UPF2: variants seen among roughly 807,000 people sequenced by gnomAD.
The protein encoded by UPF2 is regulator of nonsense transcripts 2.
In UPF2, 17 loss-of-function variants were observed where a neutral mutation model predicts 141.4. That is an observed-to-expected ratio of 0.12 (90% CI 0.08 to 0.18). The LOEUF (loss-of-function observed/expected upper bound fraction) is 0.18, where lower values mean the gene tolerates loss of function less well. UPF2 is among the 10% of genes least tolerant of loss of function. The pLI is 1.00. For synonymous variants in UPF2, 540 were observed against 498.0 expected (o/e 1.08, Z -1.12); for missense variants, 1,152 against 1,515.9 (o/e 0.76, Z 3.99).
At chr10:11,996,372 G>A (rs572412661) in intron 8 of UPF2, among the ~76,000 whole-genome samples, 122 of 148,070 alleles carry the variant, frequency 8.2e-4, no homozygotes, top group Non-Finnish European at 1.4e-3. Context: ...TTTTGAGATG[G>A]AATCTCGCTC....
intron 18 of UPF2, among the ~76,000 whole-genome samples, chr10:11,942,349 G>C (rs1832947111): frequency 6.6e-6 from 1 of 152,074 alleles, no homozygotes; most frequent in African/African-American, 2.4e-5. Flanking sequence ...CTCCAGCCTG[G>C]GCAACAGAGT....
chr10:12,009,725 C>G lies in UPF2; in HGVS notation c.1306+4299G>C, dbSNP rs76249528. Among the ~76,000 whole-genome samples, 18 of 152,284 alleles carry G rather than the reference C, an allele frequency of 1.2e-4. No individual in the cohort carries two copies. The East Asian group carries it at 3.3e-3, about 28-fold the overall frequency. ...TGAGTTGAGGATGAGAGCTGAGGGT[C>G]TGGTAATACTCTACCCAAGGTAGGC... On this transcript the variant is annotated intron_variant, in intron 4 of 21. Coordinates refer to ENST00000357604, the MANE Select transcript of UPF2 (RefSeq NM_015542.4).
In UPF2 at chr10:11,940,830, G is replaced by T. The variant is rs971499650; in HGVS notation, c.3378+1835C>A. Among the ~76,000 whole-genome samples, 18 of 152,068 alleles carry T rather than the reference G, an allele frequency of 1.2e-4. No individual in the cohort carries two copies. The highest frequency in any genetic ancestry group is 3.4e-4 in the African/African-American group (14 of 41,390). On this transcript the variant is annotated intron_variant, in intron 18 of 21. Transcript: ENST00000357604. The surrounding 1 kb of genome is among the most constrained non-coding windows in gnomAD (Gnocchi z 4.2). ...CCTCTGCCCTCCCACACAGGATTGTGCCCCGCCCTCTATTAGTGCTGGCCG... is the reference window on the plus strand; with the variant it reads ...CCTCTGCCCTCCCACACAGGATTGTTCCCCGCCCTCTATTAGTGCTGGCCG...
intron 14 of UPF2, among the ~76,000 whole-genome samples, chr10:11,954,150 G>A (rs769722981): frequency 6.6e-6 from 1 of 152,130 alleles, no homozygotes. Flanking sequence ...TATAGAGGTT[G>A]TAGTACTGTC....
At chr10:11,942,271 G>A (rs1832945503) in intron 18 of UPF2, among the ~76,000 whole-genome samples, 1 of 152,152 alleles carries the variant, frequency 6.6e-6, no homozygotes. Context: ...TACTAGGGAG[G>A]CTGAGGCACA....
At chr10:11,926,369 G>C (rs537356581) in intron 21 of UPF2, among the ~76,000 whole-genome samples, 1 of 152,280 alleles carries the variant, frequency 6.6e-6, no homozygotes, top group Non-Finnish European at 1.5e-5. Context: ...ATCTGGGCTG[G>C]AGACCTGGAT....
chr10:11,936,939 G>GC lies in UPF2; in HGVS notation c.3379-228dup, dbSNP rs370596203. ...CTCTGCCTATGACATGGAAGGAAAT[G>GC]CAGGACTTGGCTGCTGTTGACTGCT... is the stretch of plus-strand genomic sequence containing the variant. On this transcript the variant is annotated intron_variant, in intron 18 of 21. Transcript: ENST00000357604. This position sits in a 1 kb window ranked among gnomAD's most constrained non-coding sequence, Gnocchi z 6.6. Among the ~76,000 whole-genome samples, 60 of 152,346 alleles carry GC rather than the reference G, an allele frequency of 3.9e-4. No homozygotes were observed. The highest frequency in any genetic ancestry group is 1.1e-3 in the African/African-American group (46 of 41,578).
At chr10:11,922,121 C>A (rs1239800287) in intron 21 of UPF2, among the ~76,000 whole-genome samples, 1 of 152,102 alleles carries the variant, frequency 6.6e-6, no homozygotes, top group African/African-American at 2.4e-5. Flanking sequence ...CAAAGACTGC[C>A]GGCACCCCCA....
chr10:12,006,625 T>C (rs1014288837), intron 4 of UPF2, among the ~76,000 whole-genome samples: 4 of 152,170 alleles, frequency 2.6e-5, no homozygotes, highest in African/African-American at 9.7e-5. Flanking sequence ...TTACAACTTC[T>C]GTTTAATGAA....
intron 4 of UPF2, among the ~76,000 whole-genome samples, chr10:12,011,192 T>C (rs1355573434): frequency 6.6e-6 from 1 of 152,234 alleles, no homozygotes; most frequent in East Asian, 1.9e-4. Context: ...AGGGTCTCGC[T>C]ATGTTACCCA....
intron 8 of UPF2, among the ~76,000 whole-genome samples, chr10:11,993,443 T>C (rs1833814775): frequency 6.6e-6 from 1 of 151,768 alleles, no homozygotes; most frequent in Admixed American, 6.6e-5. Flanking sequence ...AGAAAATAGA[T>C]CTGAATCATT....
intron 15 of UPF2, among the ~76,000 whole-genome samples, chr10:11,949,265 CT>C (rs1399656375): frequency 6.6e-6 from 1 of 152,202 alleles, no homozygotes; most frequent in African/African-American, 2.4e-5. Context: ...AAGCCCTCCC[CT>C]GAAGTTGCCT....
Position 11,931,815 on chromosome 10 carries a change from T to C in UPF2, c.3547-33A>G. 1 of 1,577,358 alleles carries C rather than the reference T, an allele frequency of 6.3e-7. No homozygotes were observed. On this transcript the variant is annotated intron_variant, in intron 19 of 21. Transcript: ENST00000357604. The surrounding 1 kb of genome is among the most constrained non-coding windows in gnomAD (Gnocchi z 5.9). ...AAAATAACAAAGGAGTTACAAATAGTTTGAGAACACTGAGAGAAAGAAAAA... is the reference window on the plus strand; with the variant it reads ...AAAATAACAAAGGAGTTACAAATAGCTTGAGAACACTGAGAGAAAGAAAAA...
intron 8 of UPF2, among the ~76,000 whole-genome samples, chr10:11,982,555 G>C (rs1833616430): frequency 6.6e-6 from 1 of 152,140 alleles, no homozygotes; most frequent in Non-Finnish European, 1.5e-5. Context: ...CAGTCTCCCT[G>C]TTTTGACCCG....
At chr10:11,982,658 C>G (rs1309154927) in intron 8 of UPF2, among the ~76,000 whole-genome samples, 2 of 152,174 alleles carry the variant, frequency 1.3e-5, no homozygotes, top group Non-Finnish European at 2.9e-5. Flanking sequence ...CAGAGTTTCA[C>G]TCTTGTTGCC....
intron 7 of UPF2, among the ~76,000 whole-genome samples, chr10:11,999,148 C>T (rs943166236): frequency 2.6e-5 from 4 of 151,996 alleles, no homozygotes; most frequent in Non-Finnish European, 5.9e-5. Flanking sequence ...GGTACCACTA[C>T]CTTGAATCAT....
intron 11 of UPF2, among the ~76,000 whole-genome samples, chr10:11,963,527 G>A (rs1029318688): frequency 6.6e-6 from 1 of 152,148 alleles, no homozygotes; most frequent in Non-Finnish European, 1.5e-5. Flanking sequence ...TTGTAGAGAG[G>A]AGGTCTCACT....
At chr10:12,029,799 T>C (rs1270161641) in intron 2 of UPF2, among the ~76,000 whole-genome samples, 3 of 151,810 alleles carry the variant, frequency 2.0e-5, no homozygotes, top group South Asian at 4.1e-4. Context: ...CCACCTCTAC[T>C]AAAAATACAA....
chr10:11,959,553 A>G lies in UPF2; in HGVS notation c.2185-197T>C, dbSNP rs983431245. Among the ~76,000 whole-genome samples the G allele has an allele frequency of 6.6e-6, 1 of 152,148 alleles. No individual in the cohort carries two copies. Among genetic ancestry groups the G allele is most frequent in the African/African-American group, 2.4e-5 (1 of 41,426 alleles). On this transcript the variant is annotated intron_variant, in intron 11 of 21. Coordinates refer to ENST00000357604, the MANE Select transcript of UPF2 (RefSeq NM_015542.4). This position sits in a 1 kb window ranked among gnomAD's most constrained non-coding sequence, Gnocchi z 5.9. The stretch of plus-strand genomic sequence containing the variant: ...GATTGCAGGATCACTTGAATCCAGG[A>G]GTTCAAGACCAGCTTGGGCAACATG...
Sources: allele counts gnomAD v4.1 joint callset (sites outside exome capture counted in the v4.1 genomes callset), GRCh38; gene constraint gnomAD v4.1.1; non-coding constraint Gnocchi (gnomAD v3.1); transcripts MANE v1.5; gene names NCBI Gene and HGNC (gene_info 2026-07-23, HGNC 2026-07-21).